SDHAF3: variants seen among roughly 807,000 people sequenced by gnomAD.
The protein encoded by SDHAF3 is succinate dehydrogenase assembly factor 3, mitochondrial.
A neutral mutation model predicts 11.5 loss-of-function variants in SDHAF3; 18 were observed. The ratio of observed to expected loss-of-function variants is 1.56; its 90% CI spans 1.08 to 2.32. The LOEUF is 2.32. Among genes scored for constraint, SDHAF3 ranks in the 30% most tolerant of loss-of-function variants. The pLI, the probability that SDHAF3 is intolerant of heterozygous loss-of-function variation, is 0.00. For missense variants in SDHAF3, 200 were observed against 154.4 expected (o/e 1.30, Z -1.57); for synonymous variants, 72 against 59.3 (o/e 1.21, Z -0.99).
intron 1 of SDHAF3, among the ~76,000 whole-genome samples, chr7:97,120,497 C>G (rs973520303): frequency 1.3e-5 from 2 of 151,876 alleles, no homozygotes; most frequent in Non-Finnish European, 2.9e-5. Flanking sequence ...TTTTTCCCCC[C>G]CACCTGTTCT....
At chr7:97,163,271 A>G (rs1159673192) in intron 1 of SDHAF3, among the ~76,000 whole-genome samples, 2 of 148,582 alleles carry the variant, frequency 1.3e-5, no homozygotes, top group African/African-American at 5.0e-5. Context: ...CCTCCCAAGT[A>G]GCTGGGATTA....
rs930481243 is a variant in SDHAF3, at chr7:97,122,505, G to T, written c.174+4608G>T. Among the ~76,000 whole-genome samples, 7 of 143,618 alleles carry T rather than the reference G, an allele frequency of 4.9e-5. No individual in the cohort carries two copies. The South Asian group carries it at 6.7e-4, about 14-fold the overall frequency. 94.2% of individuals were successfully genotyped at this position (143,618 alleles called of 152,430 possible). Reference sequence around the variant, plus strand: ...AAAATGGAGGATATAGATTTATGAGGTTTTTTTTTTTTTTCTTTTAAAGTA... The same window carrying T: ...AAAATGGAGGATATAGATTTATGAGTTTTTTTTTTTTTTTCTTTTAAAGTA... On this transcript the variant is annotated intron_variant, in intron 1 of 1. Coordinates refer to ENST00000432641, the MANE Select transcript of SDHAF3 (RefSeq NM_020186.3).
chr7:97,125,061 C>A (rs1775387278), intron 1 of SDHAF3, among the ~76,000 whole-genome samples: 1 of 152,124 alleles, frequency 6.6e-6, no homozygotes, highest in Non-Finnish European at 1.5e-5. Context: ...TCATCATTGT[C>A]TAGTGCTGGT....
rs765114559 is a variant in SDHAF3, at chr7:97,181,211, T to G, written c.374T>G (p.Phe125Cys). 5.0e-6 allele frequency: 8 copies of G among 1,611,754 alleles called. 1 individual carries two copies. In the South Asian group the frequency reaches 8.8e-5, roughly 18 times the overall value. Reference protein sequence around the residue: ...FSISESMKPKF With the variant: ...FSISESMKPKC Reference sequence around the variant, plus strand: ...ATTTCTGAGTCTATGAAACCAAAATTTTAGTCTATACAACAAAGCTTAATA... The same window carrying G: ...ATTTCTGAGTCTATGAAACCAAAATGTTAGTCTATACAACAAAGCTTAATA... Residue 125 changes from phenylalanine (F) to cysteine (C), a missense_variant, in exon 2 of 2, where the codon TTT becomes TGT. Physicochemically the swap from Phe to Cys is radical, Grantham distance 205 (BLOSUM62 -2). Transcript: ENST00000432641.
intron 1 of SDHAF3, among the ~76,000 whole-genome samples, chr7:97,138,075 G>A (rs908068681): frequency 4.0e-5 from 6 of 151,490 alleles, no homozygotes. Context: ...GCGTTGGCTA[G>A]TCTCGAACTC....
intron 1 of SDHAF3, among the ~76,000 whole-genome samples, chr7:97,143,186 A>G (rs1423146385): frequency 1.3e-5 from 2 of 150,974 alleles, no homozygotes; most frequent in African/African-American, 2.4e-5. Context: ...GTCAGCCACC[A>G]CTCCCAGCCC....
intron 1 of SDHAF3, among the ~76,000 whole-genome samples, chr7:97,169,368 CTG>C (rs34741091): frequency 0.74 from 112,619 of 151,910 alleles, 41,847 homozygotes; most frequent in Middle Eastern, 0.79. Flanking sequence ...CCAAATTGAA[CTG>C]TGTGAAAGTA....
chr7:97,151,701 G>A (rs1789226633), intron 1 of SDHAF3, among the ~76,000 whole-genome samples: 2 of 151,944 alleles, frequency 1.3e-5, no homozygotes, highest in Admixed American at 1.3e-4. Context: ...GGGTTTCACA[G>A]TGTTCACCAG....
Position 97,181,117 on chromosome 7 carries a change from C to T in SDHAF3, c.280C>T (p.Arg94Cys), listed in dbSNP as rs775135701. 1.6e-5 allele frequency: 26 copies of T among 1,613,826 alleles called. No individual in the cohort carries two copies. Among genetic ancestry groups the T allele is most frequent in the South Asian group, 2.2e-5 (2 of 91,062 alleles). The change falls in exon 2 of 2, where the codon CGT becomes TGT. Residue 94 changes from arginine to cysteine, a missense_variant. Coordinates refer to ENST00000432641, the MANE Select transcript of SDHAF3 (RefSeq NM_020186.3). The part of the protein sequence containing the change: ...FLPEEKLNDF[R>C]DEQIGQLQEL... ...CCCAGAAGAAAAACTTAATGACTTT[C>T]GTGATGAACAAATTGGACAGTTGCA...
chr7:97,118,592 G>T (rs1291507997), intron 1 of SDHAF3, among the ~76,000 whole-genome samples: 6 of 149,672 alleles, frequency 4.0e-5, no homozygotes, highest in Non-Finnish European at 8.9e-5. Flanking sequence ...GATATTCAGA[G>T]TATTTCGTGG....
chr7:97,151,713 A>G (rs552775102), intron 1 of SDHAF3, among the ~76,000 whole-genome samples: 1 of 151,994 alleles, frequency 6.6e-6, no homozygotes. Context: ...GTTCACCAGG[A>G]TGGTCCCAAT....
chr7:97,125,208 G>T (rs1791557552), intron 1 of SDHAF3, among the ~76,000 whole-genome samples: 1 of 152,002 alleles, frequency 6.6e-6, no homozygotes. Flanking sequence ...TTTTTGAAGG[G>T]TTTTTCATGT....
chr7:97,137,738 G>C (rs1017073115), intron 1 of SDHAF3, among the ~76,000 whole-genome samples: 2 of 152,156 alleles, frequency 1.3e-5, no homozygotes, highest in African/African-American at 4.8e-5. Context: ...GCGTGACAGT[G>C]ATTTGGAGTA....
chr7:97,139,533 A>G (rs555160905), intron 1 of SDHAF3, among the ~76,000 whole-genome samples: 1 of 152,336 alleles, frequency 6.6e-6, no homozygotes, highest in East Asian at 1.9e-4. Flanking sequence ...AGAGCACCAG[A>G]CAGGAAGAGA....
chr7:97,138,830 CTG>C (rs1788973917), intron 1 of SDHAF3, among the ~76,000 whole-genome samples: 2 of 152,358 alleles, frequency 1.3e-5, no homozygotes, highest in Non-Finnish European at 2.9e-5. Context: ...CTGGGGACCT[CTG>C]TGGGCAGTGA....
At chr7:97,122,963 C>A (rs2115615863) in intron 1 of SDHAF3, among the ~76,000 whole-genome samples, 1 of 151,574 alleles carries the variant, frequency 6.6e-6, no homozygotes, top group East Asian at 1.9e-4. Context: ...GCTACTGCTG[C>A]AATGGAAGTA....
At chr7:97,175,062 A>G (rs1789659783) in intron 1 of SDHAF3, among the ~76,000 whole-genome samples, 1 of 152,186 alleles carries the variant, frequency 6.6e-6, no homozygotes, top group Non-Finnish European at 1.5e-5. Flanking sequence ...TACTAATATC[A>G]GAAGACATGT....
At chr7:97,158,401 C>A (rs1441478164) in intron 1 of SDHAF3, among the ~76,000 whole-genome samples, 3 of 152,182 alleles carry the variant, frequency 2.0e-5, no homozygotes, top group African/African-American at 7.2e-5. Context: ...AATCTCGGCT[C>A]ATTGCAACCT....
rs551265484 is a variant in SDHAF3 at position 97,162,433 on chromosome 7, T to A, written c.175-18579T>A. Among the ~76,000 whole-genome samples the A allele has an allele frequency of 2.6e-3, 400 of 152,254 alleles. 1 individual carries two copies. The highest frequency in any genetic ancestry group is 4.6e-3 in the South Asian group (22 of 4,824). On this transcript the variant is annotated intron_variant, in intron 1 of 1. Coordinates refer to ENST00000432641, the MANE Select transcript of SDHAF3 (RefSeq NM_020186.3). ...TCTTATCTTCTGCTAGATTTTGAAT[T>A]TGTTTCCTCTTGCTTCTCTAGTTCT...
Sources: allele counts gnomAD v4.1 joint callset (sites outside exome capture counted in the v4.1 genomes callset), GRCh38; gene constraint gnomAD v4.1.1; transcripts MANE v1.5; gene names NCBI Gene and HGNC (gene_info 2026-07-23, HGNC 2026-07-21).